The following S1PR3 variants were observed in gnomAD, a reference collection of about 807,000 sequenced individuals.
S1PR3 encodes sphingosine 1-phosphate receptor 3.
Under a neutral mutation model 13.3 loss-of-function variants are expected in S1PR3, and 12 were observed. The observed-to-expected ratio is 0.90, with a 90% CI of 0.58 to 1.46. The LOEUF (loss-of-function observed/expected upper bound fraction) is 1.46, where lower values mean the gene tolerates loss of function less well. Among genes scored for constraint, S1PR3 ranks in the 40% most tolerant of loss-of-function variants. The probability of loss-of-function intolerance (pLI) is 0.00; values close to 1 mark genes in which losing one functional copy is unlikely to be tolerated. For synonymous variants in S1PR3, 232 were observed against 214.0 expected, an observed-to-expected ratio of 1.08 and a Z score of -0.73; for missense variants, 450 against 501.9, an observed-to-expected ratio of 0.90 and a Z score of 0.99.
At chr9:88,993,138 G>T (rs201466483) in intron 1 of S1PR3, 2 of 148,626 alleles carry the variant, frequency 1.3e-5, no homozygotes, top group Non-Finnish European at 3.0e-5. Context: ...CATATACAAA[G>T]GGTAGAGACT....
In S1PR3 at chr9:88,991,895, G is replaced by A. The variant is rs771485358; in HGVS notation, c.-148+200G>A. 3 of 1,614,192 alleles carry A rather than the reference G, an allele frequency of 1.9e-6. No individual in the cohort carries two copies. The East Asian group carries it at 6.7e-5, about 36-fold the overall frequency. Reference sequence around the variant, plus strand: ...GAGGAGGCCTTTTCCACCGCACCCGGAGCGTTTACAACGGGCTGGAGCTGA... The same window carrying A: ...GAGGAGGCCTTTTCCACCGCACCCGAAGCGTTTACAACGGGCTGGAGCTGA... On this transcript the variant is annotated intron_variant, in intron 1 of 1. Transcript: ENST00000358157. The surrounding 1 kb of genome is among the most constrained non-coding windows in gnomAD (Gnocchi z 4.0).
intron 1 of S1PR3, chr9:88,993,473 C>T (rs1184984663): frequency 6.6e-6 from 1 of 152,196 alleles, no homozygotes; most frequent in African/African-American, 2.4e-5. Context: ...AGTCTGTTTA[C>T]CTTAGCTGGA....
Position 89,001,785 on chromosome 9 carries a change from G to A in S1PR3, c.585G>A (p.Lys195=), listed in dbSNP as rs1341504497. ...CSTILPLYSK[K]YIAFCISIFT... is the part of the protein sequence containing the mutation. Reference sequence around the variant, plus strand: ...CCATCCTGCCCCTCTACTCCAAGAAGTACATTGCCTTCTGCATCAGCATCT... The same window carrying A: ...CCATCCTGCCCCTCTACTCCAAGAAATACATTGCCTTCTGCATCAGCATCT... The change falls in exon 2 of 2, where the codon AAG becomes AAA. Residue 195 remains lysine, a synonymous_variant. Coordinates refer to ENST00000358157, the MANE Select transcript of S1PR3 (RefSeq NM_005226.4). The A allele has an allele frequency of 6.2e-7, 1 of 1,614,238 alleles. No individual in the cohort carries two copies. The highest frequency in any genetic ancestry group is 8.5e-7 in the Non-Finnish European group (1 of 1,180,050).
intron 1 of S1PR3, chr9:88,994,784 A>C (rs1413885177): frequency 6.0e-6 from 1 of 167,226 alleles, no homozygotes; most frequent in Non-Finnish European, 1.5e-5. Flanking sequence ...GGGAAGCAGT[A>C]AGTCTAACCA....
chr9:88,991,656 G>T lies in S1PR3; in HGVS notation c.-187G>T. 6.6e-7 allele frequency: 1 copy of T among 1,518,922 alleles called. No homozygotes were observed. The highest frequency in any genetic ancestry group is 8.8e-7 in the Non-Finnish European group (1 of 1,135,300). The allele number at this position is 1,518,922 out of a possible 1,614,324, so 94.1% of individuals were successfully genotyped here. A position where few individuals can be genotyped will look rare whatever the true frequency, so the allele number is the denominator to read the frequency against. On this transcript the variant is annotated 5_prime_UTR_variant, in exon 1 of 2. Coordinates refer to ENST00000358157, the MANE Select transcript of S1PR3 (RefSeq NM_005226.4). The surrounding 1 kb of genome is among the most constrained non-coding windows in gnomAD (Gnocchi z 4.0). ...GCCCCGGCACCGCCGCGCGCCACCCGCTAGGATGCCGGTGGCCCCAGCGCC... is the reference window on the plus strand; with the variant it reads ...GCCCCGGCACCGCCGCGCGCCACCCTCTAGGATGCCGGTGGCCCCAGCGCC...
Position 89,001,178 on chromosome 9 carries a change from T to G in S1PR3, c.-23T>G. 6.2e-7 allele frequency: 1 copy of G among 1,607,258 alleles called. No homozygotes were observed. Among genetic ancestry groups the G allele is most frequent in the Non-Finnish European group, 8.5e-7 (1 of 1,175,686 alleles). Reference sequence around the variant, plus strand: ...GGCGCCCTCTCGTGGATTTTGGAGCTAATCGTCTGTGAATGCCAAGTGATG... The same window carrying G: ...GGCGCCCTCTCGTGGATTTTGGAGCGAATCGTCTGTGAATGCCAAGTGATG... On this transcript the variant is annotated 5_prime_UTR_variant, in exon 2 of 2. The change abolishes the stop of an existing upstream ORF in the 5' untranslated region. Transcript: ENST00000358157.
Position 88,991,559 on chromosome 9 carries a change from CG to C in S1PR3, c.-281del. 16 of 1,545,626 alleles carry C rather than the reference CG, an allele frequency of 1.0e-5. No homozygotes were observed. Among genetic ancestry groups the C allele is most frequent in the Non-Finnish European group, 1.4e-5 (16 of 1,145,438 alleles). On this transcript the variant is annotated 5_prime_UTR_variant, in exon 1 of 2. Transcript: ENST00000358157. The surrounding 1 kb of genome is among the most constrained non-coding windows in gnomAD (Gnocchi z 4.0). ...ACGCGACCGAGCAGGACCCCAGGCC[CG>C]GGAACGACGTCGCGAGCGCTGAGAC...
rs1034694186 is a variant in S1PR3 at position 89,002,462 on chromosome 9, T to C, written c.*125T>C. 1.9e-5 allele frequency: 22 copies of C among 1,172,364 alleles called. No individual in the cohort carries two copies. Among genetic ancestry groups the C allele is most frequent in the South Asian group, 4.6e-5 (3 of 65,480 alleles). The allele number at this position is 1,172,364 out of a possible 1,614,324, so 72.6% of individuals were successfully genotyped here. On this transcript the variant is annotated 3_prime_UTR_variant, in exon 2 of 2. Coordinates refer to ENST00000358157, the MANE Select transcript of S1PR3 (RefSeq NM_005226.4). The stretch of plus-strand genomic sequence containing the variant: ...ACTTTGACCAACAGCCTGCCCAGTG[T>C]GGATGTCTCTTACAGAGGGGGCCCA...
chr9:89,005,035 T>A lies in S1PR3; in HGVS notation c.*2698T>A, dbSNP rs139877318. On this transcript the variant is annotated 3_prime_UTR_variant, in exon 2 of 2. Transcript: ENST00000358157. ...ACTCTTCGTAGTCCATGTGATGGGA[T>A]TGTTTTATCGTTTTCACCGGGTGCC... 1 of 166,236 alleles carries A rather than the reference T, an allele frequency of 6.0e-6. No homozygotes were observed. Among genetic ancestry groups the A allele is most frequent in the Non-Finnish European group, 1.5e-5 (1 of 68,122 alleles). 10.3% of individuals were successfully genotyped at this position (166,236 alleles called of 1,614,324 possible).
At chr9:88,996,938 T>G (rs1825810447) in intron 1 of S1PR3, 1 of 152,178 alleles carries the variant, frequency 6.6e-6, no homozygotes. Flanking sequence ...GGAGGGGAAC[T>G]CTTGTCCATG....
rs950989053 is a variant in S1PR3 at position 89,002,484 on chromosome 9, C to A, written c.*147C>A. On this transcript the variant is annotated 3_prime_UTR_variant, in exon 2 of 2. Transcript: ENST00000358157. ...GTGTGGATGTCTCTTACAGAGGGGG[C>A]CCAAGGAATCACCACCCCGCTTCAG... The A allele has an allele frequency of 6.3e-6, 6 of 958,082 alleles. No homozygotes were observed. The highest frequency in any genetic ancestry group is 1.7e-5 in the African/African-American group (1 of 60,134). 59.3% of individuals were successfully genotyped at this position (958,082 alleles called of 1,614,324 possible).
chr9:89,002,258 A>G lies in S1PR3; in HGVS notation c.1058A>G (p.Glu353Gly). Residue 353 changes from glutamate (E) to glycine (G), a missense_variant, in exon 2 of 2, where the codon GAA becomes GGA. By Grantham distance (98) the Glu-to-Gly change is moderately conservative. Coordinates refer to ENST00000358157, the MANE Select transcript of S1PR3 (RefSeq NM_005226.4). ...NNSSHSPKVK[E>G]DLPHTAPSSC... ...AGCAGCCACTCTCCGAAGGTCAAGGAAGACCTGCCCCACACAGCCCCCTCA... is the reference window on the plus strand; with the variant it reads ...AGCAGCCACTCTCCGAAGGTCAAGGGAGACCTGCCCCACACAGCCCCCTCA... 1 of 1,614,132 alleles carries G rather than the reference A, an allele frequency of 6.2e-7. No homozygotes were observed.
chr9:88,994,444 G>A (rs1391613514), intron 1 of S1PR3: 2 of 166,990 alleles, frequency 1.2e-5, no homozygotes, highest in East Asian at 3.8e-4. Flanking sequence ...ACCTCACAGA[G>A]CCTATTTCCA....
At chr9:88,991,092 C>A, upstream of S1PR3, 3 of 1,613,328 alleles carry the variant, frequency 1.9e-6, no homozygotes, top group Non-Finnish European at 2.5e-6. This position sits in a 1 kb window ranked among gnomAD's most constrained non-coding sequence, Gnocchi z 4.0. Context: ...GGCGCCCGCC[C>A]AAGCCCAGAC....
Position 88,991,635 on chromosome 9 carries a change from C to G in S1PR3, c.-208C>G. On this transcript the variant is annotated 5_prime_UTR_variant, in exon 1 of 2. Transcript: ENST00000358157. The surrounding 1 kb of genome is among the most constrained non-coding windows in gnomAD (Gnocchi z 4.0). ...CATTCGAGCGCAGGACCGGGCGCCC[C>G]GGCACCGCCGCGCGCCACCCGCTAG... The G allele has an allele frequency of 1.3e-6, 2 of 1,527,040 alleles. No individual in the cohort carries two copies. Among genetic ancestry groups the G allele is most frequent in the Non-Finnish European group, 1.8e-6 (2 of 1,138,510 alleles). 94.6% of individuals were successfully genotyped at this position (1,527,040 alleles called of 1,614,324 possible). A position where few individuals can be genotyped will look rare whatever the true frequency, so the allele number is the denominator to read the frequency against.
intron 1 of S1PR3, chr9:88,997,270 A>G (rs941134721): frequency 6.6e-6 from 1 of 152,190 alleles, no homozygotes; most frequent in East Asian, 1.9e-4. Context: ...GGCAAATCTT[A>G]TACTATGTTT....
chr9:88,991,434 C>A, upstream of S1PR3: 1 of 1,539,448 alleles, frequency 6.5e-7, no homozygotes, highest in South Asian at 1.2e-5. This position sits in a 1 kb window ranked among gnomAD's most constrained non-coding sequence, Gnocchi z 4.0. Flanking sequence ...CCCGGCGGGC[C>A]GCTGGAAAAG....
At position 89,001,405 on chromosome 9, in the gene S1PR3, A is replaced by G. The variant is rs1825864916; in HGVS notation, c.205A>G (p.Lys69Glu). 2.5e-6 allele frequency: 4 copies of G among 1,614,078 alleles called. No homozygotes were observed. Among genetic ancestry groups the G allele is most frequent in the Admixed American group, 3.3e-5 (2 of 60,008 alleles). ...TTTGATTGCCATCTGGAAAAACAAT[A>G]AATTTCACAACCGCATGTACTTTTT... is the stretch of plus-strand genomic sequence containing the variant. Reference protein sequence around the residue: ...MVLIAIWKNNKFHNRMYFFIG... With the variant: ...MVLIAIWKNNEFHNRMYFFIG... Residue 69 changes from lysine (K) to glutamate (E), a missense_variant, in exon 2 of 2, where the codon AAA becomes GAA. Transcript: ENST00000358157.
chr9:88,991,445 T>G (rs1310635786), upstream of S1PR3: 1 of 1,543,402 alleles, frequency 6.5e-7, no homozygotes, highest in Non-Finnish European at 8.7e-7. The surrounding 1 kb of genome is among the most constrained non-coding windows in gnomAD (Gnocchi z 4.0). Flanking sequence ...GCTGGAAAAG[T>G]TTAGTCTCTG....
Sources: gnomAD v4.1 joint callset for allele counts on GRCh38, gnomAD v4.1.1 for gene constraint, Gnocchi (gnomAD v3.1) non-coding constraint, MANE v1.5 for transcripts, NCBI Gene and HGNC (gene_info 2026-07-23, HGNC 2026-07-21) for gene names.